The following BOC variants were observed in gnomAD, a reference collection of about 807,000 sequenced individuals.
BOC encodes brother of CDO.
A neutral mutation model predicts 112.0 loss-of-function variants in BOC; 76 were observed. The observed-to-expected ratio is 0.68, with a 90% CI of 0.56 to 0.82. The LOEUF (loss-of-function observed/expected upper bound fraction) is 0.82, where lower values mean the gene tolerates loss of function less well. Ranked by LOEUF, BOC falls within the 40% of genes least tolerant of loss-of-function variation. BOC has a pLI of 0.00. For missense variants in BOC, 1,309 were observed against 1,511.7 expected (o/e 0.87, Z 2.22); for synonymous variants, 580 against 599.8 (o/e 0.97, Z 0.48).
chr3:113,241,151 T>C (rs1480636786), intron 2 of BOC, among the ~76,000 whole-genome samples: 1 of 152,162 alleles, frequency 6.6e-6, no homozygotes, highest in East Asian at 1.9e-4. Context: ...CCCAGGAAGG[T>C]AGATGTCACT....
At chr3:113,286,357 G>A (rs567326507) in intron 19 of BOC, among the ~76,000 whole-genome samples, 72 of 152,266 alleles carry the variant, frequency 4.7e-4, no homozygotes, top group Non-Finnish European at 8.5e-4. Context: ...TGGACTAGCC[G>A]CCTAAACATA....
chr3:113,234,524 A>G (rs143149251), intron 2 of BOC, among the ~76,000 whole-genome samples: 23 of 152,260 alleles, frequency 1.5e-4, no homozygotes, highest in African/African-American at 5.3e-4. Flanking sequence ...CTACATTTCA[A>G]TTTTGGTATA....
At chr3:113,272,361 G>A in intron 6 of BOC, 49 bp from the exon 7 acceptor site, 2 of 1,588,500 alleles carry the variant, frequency 1.3e-6, no homozygotes, top group Non-Finnish European at 1.7e-6. Flanking sequence ...TGCTCTACAG[G>A]ACATCCTGGT....
chr3:113,283,390 G>A (rs770984353), intron 15 of BOC, 21 bp from the exon 16 acceptor site: 1 of 1,569,346 alleles, frequency 6.4e-7, no homozygotes, highest in African/African-American at 1.4e-5. Flanking sequence ...ATGCTGAAGT[G>A]AGTTTTGTCC....
chr3:113,247,450 C>A (rs1406517870), intron 2 of BOC, among the ~76,000 whole-genome samples: 4 of 145,946 alleles, frequency 2.7e-5, no homozygotes, highest in Non-Finnish European at 4.5e-5. Flanking sequence ...TCCCACTGTT[C>A]TACATCAACT....
chr3:113,266,258 G>C lies in BOC; in HGVS notation c.377-2041G>C, dbSNP rs116393908. Among the ~76,000 whole-genome samples the C allele has an allele frequency of 5.0e-3, 756 of 152,230 alleles. 2 individuals are homozygous for C. The highest frequency in any genetic ancestry group is 7.7e-3 in the Non-Finnish European group (522 of 68,002). ...ACATAGTATGTGTGTATATTTATCA[G>C]GTACATGAGATGTTTTGATACAGGC... On this transcript the variant is annotated intron_variant, in intron 4 of 19. Transcript: ENST00000682979.
rs538101035 is a variant in BOC at position 113,230,735 on chromosome 3, G to C, written c.-82+14461G>C. 4.6e-5 allele frequency among the ~76,000 whole-genome samples: 7 copies of C among 152,224 alleles called. No individual in the cohort carries two copies. The East Asian group carries it at 1.3e-3, about 29-fold the overall frequency. On this transcript the variant is annotated intron_variant, in intron 2 of 19. Coordinates refer to ENST00000682979, the MANE Select transcript of BOC (RefSeq NM_001378074.1). The stretch of plus-strand genomic sequence containing the variant: ...CCATGTTGCAACAAAATCTAGTGTA[G>C]TACATTCAATAAATCTCAGTGATTT...
chr3:113,237,666 A>G (rs1454266425), intron 2 of BOC, among the ~76,000 whole-genome samples: 5 of 151,964 alleles, frequency 3.3e-5, no homozygotes, highest in Non-Finnish European at 7.4e-5. Flanking sequence ...TCAACATTCA[A>G]CTCCCCTCCA....
chr3:113,284,533 A>C lies in BOC; in HGVS notation c.2855A>C (p.Lys952Thr), dbSNP rs746499945. 1 of 1,613,836 alleles carries C rather than the reference A, an allele frequency of 6.2e-7. No homozygotes were observed. Among genetic ancestry groups the C allele is most frequent in the East Asian group, 2.2e-5 (1 of 44,866 alleles). Residue 952 changes from lysine to threonine, a missense_variant, in exon 17 of 20, where the codon AAG becomes ACG. Coordinates refer to ENST00000682979, the MANE Select transcript of BOC (RefSeq NM_001378074.1). ...PSAAVGYPGMKPQQHCPGELQ... is the reference protein window; with the variant it reads ...PSAAVGYPGMTPQQHCPGELQ... The stretch of plus-strand genomic sequence containing the variant: ...GCTGCAGTGGGCTACCCGGGCATGA[A>C]GCCCCAGCAGCACTGCCCAGGCGAG...
chr3:113,276,449 G>A (rs1042685864), intron 9 of BOC, among the ~76,000 whole-genome samples: 4 of 152,216 alleles, frequency 2.6e-5, no homozygotes, highest in Middle Eastern at 3.2e-3. Flanking sequence ...CCCCTGCTGC[G>A]TCTGGCTTCT....
intron 2 of BOC, among the ~76,000 whole-genome samples, chr3:113,238,345 G>A (rs1042825183): frequency 6.6e-6 from 1 of 152,134 alleles, no homozygotes; most frequent in African/African-American, 2.4e-5. Flanking sequence ...TACTCAGATG[G>A]GGAGCAATCA....
chr3:113,256,973 A>G (rs1417480855), intron 4 of BOC, among the ~76,000 whole-genome samples: 1 of 152,198 alleles, frequency 6.6e-6, no homozygotes, highest in Non-Finnish European at 1.5e-5. Context: ...TAATACCCTC[A>G]ATGATCAAAT....
At chr3:113,234,477 C>A (rs1399979782) in intron 2 of BOC, among the ~76,000 whole-genome samples, 1 of 152,188 alleles carries the variant, frequency 6.6e-6, no homozygotes, top group East Asian at 1.9e-4. Flanking sequence ...ATAAAATCCA[C>A]AGTTTATCTT....
In BOC at chr3:113,249,951, C is replaced by T. The variant is rs374558859; in HGVS notation, c.97+52C>T. On this transcript the variant is annotated intron_variant, in intron 3 of 19. Coordinates refer to ENST00000682979, the MANE Select transcript of BOC (RefSeq NM_001378074.1). ...CCCTTACAGTCAAATGGAAACATTC[C>T]GCATTCTACAATAACTCTTTAAAAA... The T allele has an allele frequency of 1.4e-4, 215 of 1,486,294 alleles. 1 individual carries two copies. Among genetic ancestry groups the T allele is most frequent in the Admixed American group, 1.8e-4 (10 of 57,052 alleles). 92.1% of individuals were successfully genotyped at this position (1,486,294 alleles called of 1,614,324 possible). A position where few individuals can be genotyped will look rare whatever the true frequency, so the allele number is the denominator to read the frequency against.
In BOC at chr3:113,279,311, T is replaced by C; in HGVS notation, c.1879T>C (p.Trp627Arg). ...TASETSVYVT[W>R]IPRGNGGFPI... ...CTCCGAGACCTCAGTGTACGTGACC[T>C]GGATTCCCCGTGGGAATGGTGGGTT... Residue 627 changes from tryptophan to arginine, a missense_variant, in exon 12 of 20, where the codon TGG becomes CGG. Coordinates refer to ENST00000682979, the MANE Select transcript of BOC (RefSeq NM_001378074.1). 6.2e-7 allele frequency: 1 copy of C among 1,614,114 alleles called. No individual in the cohort carries two copies. Among genetic ancestry groups the C allele is most frequent in the Non-Finnish European group, 8.5e-7 (1 of 1,180,010 alleles).
At chr3:113,218,008 G>A (rs1939795770) in intron 2 of BOC, among the ~76,000 whole-genome samples, 1 of 152,150 alleles carries the variant, frequency 6.6e-6, no homozygotes, top group Non-Finnish European at 1.5e-5. Flanking sequence ...TACCGTCTGT[G>A]GCTCTGAAAT....
intron 2 of BOC, among the ~76,000 whole-genome samples, chr3:113,241,590 A>G (rs994422927): frequency 2.0e-5 from 3 of 152,202 alleles, no homozygotes; most frequent in Non-Finnish European, 2.9e-5. Flanking sequence ...GAAAGAAAAA[A>G]GGAGGAAAAA....
chr3:113,283,438 G>T lies in BOC; in HGVS notation c.2462G>T (p.Arg821Leu). The T allele has an allele frequency of 6.2e-7, 1 of 1,607,840 alleles. No individual in the cohort carries two copies. The highest frequency in any genetic ancestry group is 1.1e-5 in the South Asian group (1 of 90,950). The change falls in exon 16 of 20, where the codon CGA (arginine) becomes CTA (leucine). Residue 821 changes from arginine (R) to leucine (L), a missense_variant. Transcript: ENST00000682979. ...CGGAAGTCTTCTGGCCAGCCTGGTC[G>T]ACTGCCACCCCCAACTCTGGCCCCA... Reference protein sequence around the residue: ...KARKSSGQPGRLPPPTLAPPQ... With the variant: ...KARKSSGQPGLLPPPTLAPPQ...
At chr3:113,243,612 T>C (rs780035674) in intron 2 of BOC, among the ~76,000 whole-genome samples, 6 of 152,214 alleles carry the variant, frequency 3.9e-5, no homozygotes, top group Non-Finnish European at 7.3e-5. Flanking sequence ...TAGGGAAGTT[T>C]GGAGACCACT....
Sources: allele counts gnomAD v4.1 joint callset (sites outside exome capture counted in the v4.1 genomes callset), GRCh38; gene constraint gnomAD v4.1.1; transcripts MANE v1.5; gene names NCBI Gene and HGNC (gene_info 2026-07-23, HGNC 2026-07-21).